Variants in TTC28 observed in about 807,000 individuals in gnomAD.
TTC28 encodes the protein tetratricopeptide repeat protein 28.
Under a neutral mutation model 198.0 loss-of-function variants are expected in TTC28, and 61 were observed. The observed-to-expected ratio is 0.31, with a 90% CI of 0.25 to 0.38. The LOEUF is 0.38. Ranked by LOEUF, TTC28 falls within the 10% of genes least tolerant of loss-of-function variation. The pLI is 1.00. For synonymous variants in TTC28, 1,171 were observed against 1,297.8 expected, an observed-to-expected ratio of 0.90 and a Z score of 2.10; for missense variants, 2,678 against 3,164.0, an observed-to-expected ratio of 0.85 and a Z score of 3.69.
At chr22:28,160,163 T>A (rs771985578) in intron 6 of TTC28, among the ~76,000 whole-genome samples, 12 of 152,204 alleles carry the variant, frequency 7.9e-5, no homozygotes, top group African/African-American at 1.2e-4. Context: ...ACCGGATAAC[T>A]ATAGTCAATG....
intron 5 of TTC28, among the ~76,000 whole-genome samples, chr22:28,248,817 A>T (rs1930305735): frequency 6.6e-6 from 1 of 152,100 alleles, no homozygotes; most frequent in African/African-American, 2.4e-5. Context: ...CACTGGCCTA[A>T]TTTCTCCCCT....
intron 5 of TTC28, among the ~76,000 whole-genome samples, chr22:28,280,465 A>G (rs1478992771): frequency 5.9e-5 from 9 of 151,934 alleles, no homozygotes. Context: ...CAGCCTCCCA[A>G]GTAGCTGGGG....
At chr22:28,157,189 T>C (rs1411655853) in intron 6 of TTC28, among the ~76,000 whole-genome samples, 6 of 152,130 alleles carry the variant, frequency 3.9e-5, no homozygotes, top group African/African-American at 1.4e-4. Context: ...ACCAATTAAG[T>C]TGGAAAATCT....
At chr22:28,534,317 T>C (rs546361102) in intron 2 of TTC28, among the ~76,000 whole-genome samples, 9 of 152,118 alleles carry the variant, frequency 5.9e-5, no homozygotes, top group African/African-American at 1.9e-4. Context: ...AAAAAATGCT[T>C]ATCATCACTG....
At position 27,992,588 on chromosome 22, in the gene TTC28, C is replaced by T. The variant is rs41281595; in HGVS notation, c.5552G>A (p.Arg1851Gln). 786 of 1,551,350 alleles carry T rather than the reference C, an allele frequency of 5.1e-4. 2 individuals are homozygous for T. The highest frequency in any genetic ancestry group is 1.9e-3 in the South Asian group (159 of 84,028). ...CTCAGCCCTCCAGGCTCGACTTACC[C>T]GGCTGATGAGCTGCTCGCCCGTCTC... ...ASETGEQLIS[R>Q]AVKNMVGMLH... The change falls in exon 19 of 23, where the codon CGG becomes CAG. Residue 1851 changes from arginine (R) to glutamine (Q), a missense_variant and splice_region_variant. By Grantham distance (43) the Arg-to-Gln change is conservative (BLOSUM62 1). Coordinates refer to ENST00000397906, the MANE Select transcript of TTC28 (RefSeq NM_001145418.2).
chr22:28,053,618 A>G (rs1940168466), intron 12 of TTC28, among the ~76,000 whole-genome samples: 1 of 152,218 alleles, frequency 6.6e-6, no homozygotes, highest in South Asian at 2.1e-4. Flanking sequence ...ATTAAATAGA[A>G]TCCCTGAAAC....
At chr22:28,048,677 G>A (rs1313126998) in intron 12 of TTC28, among the ~76,000 whole-genome samples, 1 of 152,092 alleles carries the variant, frequency 6.6e-6, no homozygotes, top group Non-Finnish European at 1.5e-5. Context: ...AGTCTGGTGT[G>A]AATACTGCTG....
chr22:28,567,590 T>A (rs1201802574), intron 2 of TTC28, among the ~76,000 whole-genome samples: 1 of 146,922 alleles, frequency 6.8e-6, no homozygotes, highest in Non-Finnish European at 1.5e-5. Context: ...AAGCAAAATT[T>A]GAAGGAAAAT....
chr22:28,674,239 T>A (rs1482260383), intron 1 of TTC28, among the ~76,000 whole-genome samples: 5 of 150,652 alleles, frequency 3.3e-5, no homozygotes, highest in Non-Finnish European at 7.4e-5. Flanking sequence ...AGGCTTGGGG[T>A]TTCTGTTTGT....
intron 5 of TTC28, among the ~76,000 whole-genome samples, chr22:28,280,798 G>A (rs1480269345): frequency 6.6e-6 from 1 of 151,716 alleles, no homozygotes; most frequent in African/African-American, 2.4e-5. Context: ...AATTTTCTTG[G>A]TTTTCCCTTA....
chr22:28,120,086 CAGT>C (rs1417735091), intron 6 of TTC28, among the ~76,000 whole-genome samples: 1 of 151,952 alleles, frequency 6.6e-6, no homozygotes, highest in Non-Finnish European at 1.5e-5. Context: ...TAATAAAAAA[CAGT>C]AGTAGCAATA....
At chr22:28,377,242 T>A (rs2146011858) in intron 2 of TTC28, among the ~76,000 whole-genome samples, 1 of 142,794 alleles carries the variant, frequency 7.0e-6, no homozygotes. Context: ...GACTAGGACA[T>A]AATATATTCT....
chr22:28,468,158 C>T (rs911997323), intron 2 of TTC28, among the ~76,000 whole-genome samples: 6 of 152,036 alleles, frequency 3.9e-5, no homozygotes, highest in African/African-American at 1.2e-4. Flanking sequence ...AAGAAAACAT[C>T]CTCAAAGAAT....
intron 5 of TTC28, among the ~76,000 whole-genome samples, chr22:28,163,845 G>T (rs1569172160): frequency 6.6e-6 from 1 of 152,184 alleles, no homozygotes; most frequent in African/African-American, 2.4e-5. Context: ...GCACGGCGAG[G>T]CATTGCCTCA....
At chr22:28,052,021 A>AGG (rs1308777726) in intron 12 of TTC28, among the ~76,000 whole-genome samples, 1 of 152,198 alleles carries the variant, frequency 6.6e-6, no homozygotes, top group African/African-American at 2.4e-5. Flanking sequence ...AAAAGAGCCA[A>AGG]GGGGGTCCCT....
intron 5 of TTC28, among the ~76,000 whole-genome samples, chr22:28,168,384 G>A (rs867617428): frequency 2.6e-5 from 4 of 152,174 alleles, no homozygotes; most frequent in South Asian, 4.1e-4. Context: ...AGCCAAAAGA[G>A]CAAAGCTGGA....
At chr22:27,988,226 G>A (rs1167701043) in intron 21 of TTC28, among the ~76,000 whole-genome samples, 1 of 151,490 alleles carries the variant, frequency 6.6e-6, no homozygotes, top group Non-Finnish European at 1.5e-5. Flanking sequence ...GGTGGTCGGG[G>A]AAGGTCACCC....
chr22:28,057,314 T>C (rs914720782), intron 12 of TTC28, among the ~76,000 whole-genome samples: 23 of 152,296 alleles, frequency 1.5e-4, no homozygotes, highest in Admixed American at 1.0e-3. Flanking sequence ...GTTTTTAAAA[T>C]TTCATCCTTT....
At chr22:28,369,242 A>C (rs944415386) in intron 2 of TTC28, among the ~76,000 whole-genome samples, 36 of 152,170 alleles carry the variant, frequency 2.4e-4, no homozygotes, top group African/African-American at 8.7e-4. Context: ...ACACAGACCA[A>C]TGGAACAGAA....
Sources: gnomAD v4.1 joint callset for allele counts (sites outside exome capture counted in the v4.1 genomes callset) on GRCh38, gnomAD v4.1.1 for gene constraint, MANE v1.5 for transcripts, NCBI Gene and HGNC (gene_info 2026-07-23, HGNC 2026-07-21) for gene names.